SEMA6A: variants seen among roughly 807,000 people sequenced by gnomAD.
SEMA6A encodes semaphorin 6A.
SEMA6A carries 25 observed loss-of-function variants against 96.8 expected under a neutral mutation model. That is an observed-to-expected ratio of 0.26 (90% CI 0.19 to 0.36). The LOEUF (loss-of-function observed/expected upper bound fraction) is 0.36, where lower values mean the gene tolerates loss of function less well. Among genes scored for constraint, SEMA6A ranks in the 10% least tolerant of loss-of-function variants. The pLI is 1.00. For synonymous variants in SEMA6A, 612 were observed against 518.0 expected (o/e 1.18, Z -2.46); for missense variants, 1,363 against 1,323.1 (o/e 1.03, Z -0.47).
chr5:116,453,161 C>G (rs977810932), intron 18 of SEMA6A, among the ~76,000 whole-genome samples: 1 of 152,184 alleles, frequency 6.6e-6, no homozygotes, highest in Admixed American at 6.5e-5. Context: ...TAACTCCCTT[C>G]TAGTCTGTTA....
Position 116,508,908 on chromosome 5 carries a change from G to A in SEMA6A, c.-38-3926C>T, listed in dbSNP as rs140360929. ...AGGTACAGGACATCAACGTTGCTGC[G>A]TGAGGTATTCTGTTCCTCTTGACCA... On this transcript the variant is annotated intron_variant, in intron 1 of 18. Coordinates refer to ENST00000343348, the MANE Select transcript of SEMA6A (RefSeq NM_020796.5). 5.9e-5 allele frequency among the ~76,000 whole-genome samples: 9 copies of A among 152,334 alleles called. No homozygotes were observed. In the South Asian group the frequency reaches 1.9e-3, roughly 32 times the overall value.
intron 18 of SEMA6A, among the ~76,000 whole-genome samples, chr5:116,458,990 CAAAGA>C (rs1430486569): frequency 6.6e-6 from 1 of 152,066 alleles, no homozygotes; most frequent in African/African-American, 2.4e-5. Flanking sequence ...CTCAGTCCCT[CAAAGA>C]AAAGACGGAG....
At chr5:116,547,618 G>C (rs1370694812) in intron 1 of SEMA6A, among the ~76,000 whole-genome samples, 1 of 150,594 alleles carries the variant, frequency 6.6e-6, no homozygotes, top group Non-Finnish European at 1.5e-5. Context: ...TGCAACAGAA[G>C]CTTTTATTTC....
chr5:116,554,340 T>C (rs1760527819), intron 1 of SEMA6A, among the ~76,000 whole-genome samples: 1 of 152,168 alleles, frequency 6.6e-6, no homozygotes, highest in East Asian at 1.9e-4. Context: ...TCAAACTTAA[T>C]TGTATCCTGT....
intron 6 of SEMA6A, among the ~76,000 whole-genome samples, chr5:116,492,873 A>G (rs537928599): frequency 2.6e-5 from 4 of 152,070 alleles, no homozygotes; most frequent in Non-Finnish European, 4.4e-5. Flanking sequence ...ATCTGTTGAT[A>G]AAAAGCACTT....
chr5:116,470,945 A>T (rs1756097530), intron 17 of SEMA6A, among the ~76,000 whole-genome samples: 4 of 152,254 alleles, frequency 2.6e-5, no homozygotes, highest in Admixed American at 2.6e-4. Context: ...AGTGCCTAGG[A>T]CACAGTAGTT....
intron 1 of SEMA6A, among the ~76,000 whole-genome samples, chr5:116,567,933 C>A (rs1483874659): frequency 6.6e-6 from 1 of 152,174 alleles, no homozygotes; most frequent in African/African-American, 2.4e-5. Context: ...ACTCCTATGA[C>A]CTTGCCTGAT....
At chr5:116,573,108 C>T (rs983264619) in intron 1 of SEMA6A, among the ~76,000 whole-genome samples, 1 of 152,042 alleles carries the variant, frequency 6.6e-6, no homozygotes, top group African/African-American at 2.4e-5. Context: ...CTGAGCAAAA[C>T]GCGGAGAATC....
chr5:116,507,008 T>C (rs538550768), intron 1 of SEMA6A, among the ~76,000 whole-genome samples: 81 of 152,192 alleles, frequency 5.3e-4, no homozygotes, highest in Non-Finnish European at 9.7e-4. Context: ...AGATTGCATG[T>C]GTCAAATGCA....
intron 10 of SEMA6A, 113 bp from the exon 11 acceptor site, chr5:116,482,688 C>T (rs1456761757): frequency 1.5e-5 from 15 of 995,368 alleles, no homozygotes; most frequent in Non-Finnish European, 2.3e-5. Flanking sequence ...AAAGTTCATA[C>T]CTTGGACACT....
intron 18 of SEMA6A, among the ~76,000 whole-genome samples, chr5:116,461,888 T>C (rs1755427667): frequency 6.6e-6 from 1 of 152,128 alleles, no homozygotes; most frequent in Admixed American, 6.6e-5. Context: ...GGCATCCAAA[T>C]TGCACCACAG....
Position 116,473,098 on chromosome 5 carries a change from A to G in SEMA6A, c.1709-5T>C. On this transcript the variant is annotated splice_region_variant and splice_polypyrimidine_tract_variant and intron_variant, in intron 16 of 18. Transcript: ENST00000343348. ...CATTCAGTGCCACAAAGGAATCTGA[A>G]AGACAAAAGGGAGGAGAAGGTTACT... The G allele has an allele frequency of 6.3e-7, 1 of 1,593,236 alleles. No individual in the cohort carries two copies. The highest frequency in any genetic ancestry group is 8.6e-7 in the Non-Finnish European group (1 of 1,168,788).
chr5:116,481,046 C>G (rs1200696945), intron 11 of SEMA6A, among the ~76,000 whole-genome samples: 2 of 152,118 alleles, frequency 1.3e-5, no homozygotes, highest in Non-Finnish European at 2.9e-5. Context: ...TGGACCCTCA[C>G]GACACCAGCA....
intron 1 of SEMA6A, among the ~76,000 whole-genome samples, chr5:116,528,157 G>A (rs190611983): frequency 7.0e-4 from 107 of 151,988 alleles, no homozygotes; most frequent in African/African-American, 2.5e-3. Flanking sequence ...TCCTTTCTTC[G>A]CTTCCTTAAC....
At chr5:116,491,949 C>T in intron 6 of SEMA6A, 119 bp from the exon 7 acceptor site, 1 of 770,816 alleles carries the variant, frequency 1.3e-6, no homozygotes, top group East Asian at 2.6e-5. Flanking sequence ...TTGAGATGGA[C>T]CCTGTTGAAG....
At chr5:116,491,684 G>A (rs1757332669) in intron 7 of SEMA6A, 56 bp downstream of exon 7, 2 of 1,314,802 alleles carry the variant, frequency 1.5e-6, no homozygotes, top group Non-Finnish European at 2.2e-6. Context: ...CAGATTCACA[G>A]TGACAGGATG....
chr5:116,446,389 G>A lies in SEMA6A; in HGVS notation c.*224C>T. 2.2e-6 allele frequency: 1 copy of A among 456,464 alleles called. No homozygotes were observed. Among genetic ancestry groups the A allele is most frequent in the Admixed American group, 3.8e-5 (1 of 26,074 alleles). 28.3% of individuals were successfully genotyped at this position (456,464 alleles called of 1,614,324 possible). A position where few individuals can be genotyped will look rare whatever the true frequency, so the allele number is the denominator to read the frequency against. ...GTTGTAGGGTGTGGGGGAAAGTGAA[G>A]GAAGAGAATGAAGGTGAGTCCCCGC... On this transcript the variant is annotated 3_prime_UTR_variant, in exon 19 of 19. Transcript: ENST00000343348.
At chr5:116,527,924 A>G (rs1334080530) in intron 1 of SEMA6A, among the ~76,000 whole-genome samples, 2 of 152,244 alleles carry the variant, frequency 1.3e-5, no homozygotes, top group Non-Finnish European at 2.9e-5. Context: ...ATGCATATTA[A>G]AAGAAGAACA....
At chr5:116,513,057 T>G (rs1267911364) in intron 1 of SEMA6A, among the ~76,000 whole-genome samples, 2 of 152,218 alleles carry the variant, frequency 1.3e-5, no homozygotes, top group Non-Finnish European at 2.9e-5. Flanking sequence ...CATGAGATGT[T>G]TTGATACAGA....
Sources: allele counts gnomAD v4.1 joint callset (sites outside exome capture counted in the v4.1 genomes callset), GRCh38; gene constraint gnomAD v4.1.1; transcripts MANE v1.5; gene names NCBI Gene and HGNC (gene_info 2026-07-23, HGNC 2026-07-21).